KCNQ1: variants seen among roughly 807,000 people sequenced by gnomAD.
KCNQ1 encodes the protein potassium voltage-gated channel subfamily KQT member 1.
A neutral mutation model predicts 72.4 loss-of-function variants in KCNQ1; 49 were observed. The observed-to-expected ratio is 0.68, with a 90% CI of 0.54 to 0.86. The LOEUF is 0.86. Among genes scored for constraint, KCNQ1 ranks in the 40% least tolerant of loss-of-function variants. KCNQ1 has a pLI of 0.00. For synonymous variants in KCNQ1, 450 were observed against 412.6 expected (o/e 1.09, Z -1.10); for missense variants, 790 against 945.1 (o/e 0.84, Z 2.15).
At chr11:2,692,584 C>T (rs1212988293) in intron 11 of KCNQ1, 1 of 398,774 alleles carries the variant, frequency 2.5e-6, no homozygotes, top group Non-Finnish European at 4.4e-6. Context: ...TTTTTCAGAC[C>T]CCAGGCTAGT....
At chr11:2,476,869 G>T (rs1198255842) in intron 1 of KCNQ1, among the ~76,000 whole-genome samples, 2 of 152,136 alleles carry the variant, frequency 1.3e-5, no homozygotes, top group Non-Finnish European at 2.9e-5. Flanking sequence ...TGTATTTTTA[G>T]TAGAGACAAA....
At chr11:2,753,793 G>A (rs149322610) in intron 11 of KCNQ1, among the ~76,000 whole-genome samples, 93 of 152,200 alleles carry the variant, frequency 6.1e-4, no homozygotes, top group African/African-American at 2.1e-3. Flanking sequence ...TCCTTTGGCC[G>A]GGGACACACA....
rs1395520408 is a variant in KCNQ1, at chr11:2,549,346, G to T, written c.478-21282G>T. ...GGACAAACCTGGGTCCAGGCACCTG[G>T]GGCGACCCTCCTTGGCCGTCCTTGC... On this transcript the variant is annotated intron_variant, in intron 2 of 15. Coordinates refer to ENST00000155840, the MANE Select transcript of KCNQ1 (RefSeq NM_000218.3). The surrounding 1 kb of genome is among the most constrained non-coding windows in gnomAD (Gnocchi z 6.2). 6.6e-6 allele frequency among the ~76,000 whole-genome samples: 1 copy of T among 152,074 alleles called. No individual in the cohort carries two copies. Among genetic ancestry groups the T allele is most frequent in the Non-Finnish European group, 1.5e-5 (1 of 67,982 alleles).
chr11:2,622,680 C>T (rs184738543), intron 10 of KCNQ1: 6 of 398,376 alleles, frequency 1.5e-5, no homozygotes, highest in African/African-American at 1.2e-4. Flanking sequence ...TTATGATTCT[C>T]TATTCGATTG....
chr11:2,678,889 T>C lies in KCNQ1; in HGVS notation c.1514+16808T>C. The C allele has an allele frequency of 2.5e-6, 1 of 398,580 alleles. No homozygotes were observed. Among genetic ancestry groups the C allele is most frequent in the Non-Finnish European group, 4.4e-6 (1 of 226,068 alleles). The allele number at this position is 398,580 out of a possible 1,614,324, so 24.7% of individuals were successfully genotyped here. A position where few individuals can be genotyped will look rare whatever the true frequency, so the allele number is the denominator to read the frequency against. On this transcript the variant is annotated intron_variant, in intron 11 of 15. Coordinates refer to ENST00000155840, the MANE Select transcript of KCNQ1 (RefSeq NM_000218.3). The surrounding 1 kb of genome is among the most constrained non-coding windows in gnomAD (Gnocchi z 4.9). ...AGTTGCCAGCTGGACCCAAGGACCA[T>C]TTCGTATACATGTATGATCATACTT...
At chr11:2,727,663 T>G (rs112901719) in intron 11 of KCNQ1, among the ~76,000 whole-genome samples, 1 of 152,136 alleles carries the variant, frequency 6.6e-6, no homozygotes, top group African/African-American at 2.4e-5. Context: ...TCTGAAGCCC[T>G]GGGCCAGGAG....
chr11:2,778,736 G>A (rs972222221), intron 15 of KCNQ1, among the ~76,000 whole-genome samples: 5 of 152,260 alleles, frequency 3.3e-5, no homozygotes, highest in Non-Finnish European at 4.4e-5. Flanking sequence ...CAGCAAGTCC[G>A]TCTACATGGA....
chr11:2,583,257 C>T (rs889616253), intron 6 of KCNQ1, among the ~76,000 whole-genome samples, 178 bp from the exon 7 acceptor site: 2 of 152,190 alleles, frequency 1.3e-5, no homozygotes, highest in African/African-American at 4.8e-5. Context: ...GCCTGGGAGA[C>T]ATGTGCCATC....
At position 2,682,464 on chromosome 11, in the gene KCNQ1, T is replaced by A; in HGVS notation, c.1514+20383T>A. 7.8e-6 allele frequency: 3 copies of A among 384,698 alleles called. No individual in the cohort carries two copies. The highest frequency in any genetic ancestry group is 6.9e-5 in the African/African-American group (3 of 43,182). The allele number at this position is 384,698 out of a possible 1,614,324, so 23.8% of individuals were successfully genotyped here. On this transcript the variant is annotated intron_variant, in intron 11 of 15. Transcript: ENST00000155840. The surrounding 1 kb of genome is among the most constrained non-coding windows in gnomAD (Gnocchi z 5.8). The stretch of plus-strand genomic sequence containing the variant: ...TATGGAGCCTGTCACGGACCCTCAG[T>A]GAATGTTTGACGAGTGAGTGAGTGA...
intron 10 of KCNQ1, chr11:2,634,187 T>C (rs1384785249): frequency 1.0e-5 from 4 of 397,304 alleles, no homozygotes; most frequent in Non-Finnish European, 1.8e-5. Context: ...TTTTTTATTA[T>C]ACTTTAAGTT....
chr11:2,641,115 G>C, intron 10 of KCNQ1: 1 of 398,468 alleles, frequency 2.5e-6, no homozygotes, highest in Non-Finnish European at 4.4e-6. Flanking sequence ...TGTGAATAGT[G>C]CTGCAATAAA....
At chr11:2,836,277 A>C (rs1478078382) in intron 15 of KCNQ1, among the ~76,000 whole-genome samples, 1 of 152,134 alleles carries the variant, frequency 6.6e-6, no homozygotes, top group Non-Finnish European at 1.5e-5. Context: ...GAAAGCAGGG[A>C]GAAGGGTCTG....
chr11:2,668,939 G>C lies in KCNQ1; in HGVS notation c.1514+6858G>C, dbSNP rs1482590200. ...TTTATTAGCTCACCTTTCCCATGTA[G>C]ATCTGCACTCCATCTGGGATTGATT... is the stretch of plus-strand genomic sequence containing the variant. On this transcript the variant is annotated intron_variant, in intron 11 of 15. Coordinates refer to ENST00000155840, the MANE Select transcript of KCNQ1 (RefSeq NM_000218.3). This position sits in a 1 kb window ranked among gnomAD's most constrained non-coding sequence, Gnocchi z 4.3. The C allele has an allele frequency of 1.3e-5, 5 of 398,442 alleles. No homozygotes were observed. The highest frequency in any genetic ancestry group is 8.8e-5 in the Admixed American group (2 of 22,712). The allele number at this position is 398,442 out of a possible 1,614,324, so 24.7% of individuals were successfully genotyped here. A position where few individuals can be genotyped will look rare whatever the true frequency, so the allele number is the denominator to read the frequency against.
rs552197556 is a variant in KCNQ1, at chr11:2,555,374, G to A, written c.478-15254G>A. ...CCGTCTTTGGGGTTAACAGCCATCA[G>A]CAGTGGGGTTCCCAGGCTGAAACTA... On this transcript the variant is annotated intron_variant, in intron 2 of 15. Coordinates refer to ENST00000155840, the MANE Select transcript of KCNQ1 (RefSeq NM_000218.3). Among the ~76,000 whole-genome samples, 517 of 152,350 alleles carry A rather than the reference G, an allele frequency of 3.4e-3. 4 individuals carry two copies. Among genetic ancestry groups the A allele is most frequent in the African/African-American group, 0.012 (500 of 41,580 alleles).
At chr11:2,777,136 C>A in intron 14 of KCNQ1, 104 bp downstream of exon 14, 1 of 1,109,712 alleles carries the variant, frequency 9.0e-7, no homozygotes, top group Non-Finnish European at 1.4e-6. Context: ...GGCCATTGCA[C>A]CTCCAAAGTG....
chr11:2,694,712 T>C (rs2133896261), intron 11 of KCNQ1: 2 of 398,538 alleles, frequency 5.0e-6, no homozygotes, highest in East Asian at 7.1e-5. Flanking sequence ...TCTCTTCCGG[T>C]GGAAGAGATA....
intron 11 of KCNQ1, among the ~76,000 whole-genome samples, chr11:2,753,889 T>C (rs926124631): frequency 6.6e-6 from 1 of 152,048 alleles, no homozygotes; most frequent in Non-Finnish European, 1.5e-5. Flanking sequence ...CTGGTTTTTT[T>C]TGTTGTTGTT....
intron 11 of KCNQ1, among the ~76,000 whole-genome samples, chr11:2,719,764 G>A (rs975275408): frequency 2.0e-5 from 3 of 152,210 alleles, no homozygotes; most frequent in Admixed American, 2.0e-4. Context: ...GTGTTGGGTT[G>A]GAGAATGGGC....
chr11:2,699,225 C>T (rs1850729613), intron 11 of KCNQ1: 3 of 398,772 alleles, frequency 7.5e-6, no homozygotes, highest in Non-Finnish European at 1.3e-5. Context: ...GGACCTCGAC[C>T]CTGGCCACGC....
Sources: allele counts gnomAD v4.1 joint callset (sites outside exome capture counted in the v4.1 genomes callset), GRCh38; gene constraint gnomAD v4.1.1; non-coding constraint Gnocchi (gnomAD v3.1); transcripts MANE v1.5; gene names NCBI Gene and HGNC (gene_info 2026-07-23, HGNC 2026-07-21).